Variants in JCAD observed in about 807,000 individuals in gnomAD.
The protein encoded by JCAD is junctional cadherin 5 associated.
In JCAD, 40 loss-of-function variants were observed where a neutral mutation model predicts 98.0. The ratio of observed to expected loss-of-function variants is 0.41; its 90% CI spans 0.32 to 0.53. The LOEUF (loss-of-function observed/expected upper bound fraction) is 0.53. Ranked by LOEUF, JCAD falls within the 20% of genes least tolerant of loss-of-function variation. The pLI, the probability that JCAD is intolerant of heterozygous loss-of-function variation, is 0.31. For missense variants in JCAD, 1,705 were observed against 1,738.1 expected, an observed-to-expected ratio of 0.98 and a Z score of 0.34; for synonymous variants, 691 against 682.3, an observed-to-expected ratio of 1.01 and a Z score of -0.20.
At chr10:30,044,382 G>T (rs1837295120) in intron 2 of JCAD, among the ~76,000 whole-genome samples, 2 of 152,190 alleles carry the variant, frequency 1.3e-5, no homozygotes, top group South Asian at 4.1e-4. Context: ...CATGAGTGGG[G>T]TGTTGAGGAC....
chr10:30,103,657 T>C (rs1187527533), intron 1 of JCAD, among the ~76,000 whole-genome samples: 1 of 151,942 alleles, frequency 6.6e-6, no homozygotes, highest in Non-Finnish European at 1.5e-5. Context: ...GCCAGTTCTT[T>C]TGATCCCAAA....
chr10:30,027,806 C>T lies in JCAD; in HGVS notation c.2342G>A (p.Arg781Gln), dbSNP rs202152563. 2.5e-5 allele frequency: 41 copies of T among 1,614,266 alleles called. No individual in the cohort carries two copies. The African/African-American group carries it at 4.9e-4, about 19-fold the overall frequency. ...GTGGACATCCACGCAGGGCTGACTT[C>T]GGCCTGCTTTTGGCGTCGGTGCCTG... The part of the protein sequence containing the change: ...VDQAPTPKAG[R>Q]SQPCVDVHGL... Residue 781 changes from arginine to glutamine, a missense_variant, in exon 3 of 4, where the codon CGA becomes CAA. This residue lies in a region of JCAD where 1,278 missense variants were observed against 1,243.1 expected (regional missense o/e 1.03). Coordinates refer to ENST00000375377, the MANE Select transcript of JCAD (RefSeq NM_020848.4).
Position 30,028,762 on chromosome 10 carries a change from C to T in JCAD, c.1386G>A (p.Glu462=), listed in dbSNP as rs1836907900. 5 of 1,614,112 alleles carry T rather than the reference C, an allele frequency of 3.1e-6. No individual in the cohort carries two copies. The highest frequency in any genetic ancestry group is 4.2e-6 in the Non-Finnish European group (5 of 1,180,048). Residue 462 remains glutamate (E), a synonymous_variant, in exon 3 of 4, where the codon GAG becomes GAA. Transcript: ENST00000375377. The stretch of plus-strand genomic sequence containing the variant: ...CAGGCTGCATTCCTCCATGAGCCGG[C>T]TCTTGAGCAGTGACAGGACTGGAGT... The part of the protein sequence containing the change: ...SYNSSPVTAQ[E]PAHGGMQPDG...
At chr10:30,079,985 A>G (rs771466920) in intron 1 of JCAD, among the ~76,000 whole-genome samples, 10 of 152,208 alleles carry the variant, frequency 6.6e-5, no homozygotes, top group Non-Finnish European at 1.3e-4. Context: ...GATAAAGAAT[A>G]TCTATATAAG....
rs1836448332 is a variant in JCAD at position 30,012,882 on chromosome 10, A to G, written c.*5001T>C. On this transcript the variant is annotated 3_prime_UTR_variant, in exon 4 of 4. Transcript: ENST00000375377. ...ATCCTGAAATAGCAAGGATATTTAC[A>G]CTGTGCAGAGAAATACAAGAGCTTC... The G allele has an allele frequency of 6.6e-6, 1 of 152,300 alleles. No homozygotes were observed. The highest frequency in any genetic ancestry group is 1.5e-5 in the Non-Finnish European group (1 of 68,088). 9.4% of individuals were successfully genotyped at this position (152,300 alleles called of 1,614,324 possible). A position where few individuals can be genotyped will look rare whatever the true frequency, so the allele number is the denominator to read the frequency against.
At chr10:30,085,323 C>T (rs1006741247) in intron 1 of JCAD, among the ~76,000 whole-genome samples, 3 of 151,986 alleles carry the variant, frequency 2.0e-5, no homozygotes, top group Non-Finnish European at 4.4e-5. Flanking sequence ...CTACATTTAT[C>T]TTTTATTCAT....
Position 30,027,793 on chromosome 10 carries a change from G to T in JCAD, c.2355C>A (p.Cys785Ter), listed in dbSNP as rs755985404. ...GGGCTCCAAGCCCGTGGACATCCAC[G>T]CAGGGCTGACTTCGGCCTGCTTTTG... Reference protein sequence around the residue: ...PTPKAGRSQPCVDVHGLGAHP... With the variant: ...PTPKAGRSQP The change falls in exon 3 of 4, where the codon TGC becomes TGA. Residue 785 changes from cysteine to a stop codon, truncating the protein, a stop_gained. Transcript: ENST00000375377. LOFTEE classifies it high-confidence loss of function. The T allele has an allele frequency of 6.2e-7, 1 of 1,614,244 alleles. No homozygotes were observed. The highest frequency in any genetic ancestry group is 8.5e-7 in the Non-Finnish European group (1 of 1,180,034).
chr10:30,079,650 T>C (rs753109015), intron 1 of JCAD, among the ~76,000 whole-genome samples: 118 of 152,150 alleles, frequency 7.8e-4, no homozygotes, highest in Non-Finnish European at 1.5e-3. Context: ...CTTGCTCACA[T>C]GACACACAAC....
intron 2 of JCAD, among the ~76,000 whole-genome samples, chr10:30,040,139 T>C (rs1261004202): frequency 6.6e-6 from 1 of 152,154 alleles, no homozygotes; most frequent in Non-Finnish European, 1.5e-5. Flanking sequence ...ATCGGCATTG[T>C]CTTTGTCTAA....
chr10:30,027,207 T>C lies in JCAD; in HGVS notation c.2941A>G (p.Arg981Gly). ...GGCAGTGGTTTTGCGTCACTTGATC[T>C]TGAAGACATTCTCGTCACAGGAAAT... ...SPFPVTRMSS[R>G]SSDAKPLPAS... Residue 981 changes from arginine (R) to glycine (G), a missense_variant, in exon 3 of 4, where the codon AGA becomes GGA. By Grantham distance (125) the Arg-to-Gly change is moderately radical. Around this residue, in one of 3 missense-constraint regions of JCAD, gnomAD observed 1,278 missense variants for 1,243.1 expected, o/e 1.03. Transcript: ENST00000375377. The C allele has an allele frequency of 6.2e-7, 1 of 1,614,220 alleles. No individual in the cohort carries two copies. The highest frequency in any genetic ancestry group is 8.5e-7 in the Non-Finnish European group (1 of 1,180,034).
rs200076780 is a variant in JCAD, at chr10:30,028,893, C to G, written c.1255G>C (p.Gly419Arg). ...AHPRPVTAYDGFVQYIPFDDP... is the reference protein window; with the variant it reads ...AHPRPVTAYDRFVQYIPFDDP... The stretch of plus-strand genomic sequence containing the variant: ...TCAAAGGGAATGTACTGAACGAAGC[C>G]GTCATAGGCAGTGACAGGTCGGGGA... Residue 419 changes from glycine (G) to arginine (R), a missense_variant, in exon 3 of 4, where the codon GGC becomes CGC. Coordinates refer to ENST00000375377, the MANE Select transcript of JCAD (RefSeq NM_020848.4). 1.2e-6 allele frequency: 2 copies of G among 1,614,150 alleles called. No individual in the cohort carries two copies. Among genetic ancestry groups the G allele is most frequent in the East Asian group, 4.5e-5 (2 of 44,862 alleles).
chr10:30,083,535 C>T (rs1386546270), intron 1 of JCAD, among the ~76,000 whole-genome samples: 1 of 152,148 alleles, frequency 6.6e-6, no homozygotes, highest in African/African-American at 2.4e-5. Flanking sequence ...CTGTTCTACT[C>T]AATAGAGACA....
intron 1 of JCAD, among the ~76,000 whole-genome samples, chr10:30,071,475 T>C (rs2132671709): frequency 1.3e-5 from 2 of 152,232 alleles, no homozygotes; most frequent in South Asian, 4.1e-4. Flanking sequence ...TGATGTACAA[T>C]GTTAAGGGCT....
rs753752951 is a variant in JCAD at position 30,027,891 on chromosome 10, G to A, written c.2257C>T (p.His753Tyr). Residue 753 changes from histidine (H) to tyrosine (Y), a missense_variant, in exon 3 of 4, where the codon CAC becomes TAC. This residue lies in a region of JCAD where 1,278 missense variants were observed against 1,243.1 expected (regional missense o/e 1.03). Transcript: ENST00000375377. ...QRPSARNLKG[H>Y]RSLSPSSNSA... ...TTGCTGGATGGGCTGAGGGACCTGTGACCTTTCAGGTTACGGGCACTTGGC... is the reference window on the plus strand; with the variant it reads ...TTGCTGGATGGGCTGAGGGACCTGTAACCTTTCAGGTTACGGGCACTTGGC... 4 of 1,614,220 alleles carry A rather than the reference G, an allele frequency of 2.5e-6. No individual in the cohort carries two copies. The South Asian group carries it at 4.4e-5, about 18-fold the overall frequency.
chr10:30,079,308 C>A (rs1838034301), intron 1 of JCAD, among the ~76,000 whole-genome samples: 2 of 139,506 alleles, frequency 1.4e-5, no homozygotes, highest in African/African-American at 2.7e-5. Flanking sequence ...GAATGTGCCA[C>A]TGCACTCTAG....
In JCAD at chr10:30,026,400, G is replaced by T. The variant is rs750626355; in HGVS notation, c.3748C>A (p.Pro1250Thr). ...IESLQEKLAS[P>T]PRRADPDRLM... ...CGGTCAGGGTCTGCTCTCCTAGGCG[G>T]GGAGGCCAGTTTCTCTTGTAAACTT... Residue 1250 changes from proline (P) to threonine (T), a missense_variant, in exon 3 of 4, where the codon CCG (proline) becomes ACG (threonine). Around this residue, in one of 3 missense-constraint regions of JCAD, gnomAD observed 1,278 missense variants for 1,243.1 expected, o/e 1.03. Coordinates refer to ENST00000375377, the MANE Select transcript of JCAD (RefSeq NM_020848.4). 3 of 1,614,248 alleles carry T rather than the reference G, an allele frequency of 1.9e-6. No homozygotes were observed. In the South Asian group the frequency reaches 3.3e-5, roughly 18 times the overall value.
At chr10:30,108,851 TAA>T (rs796575445) in intron 1 of JCAD, among the ~76,000 whole-genome samples, 40 of 140,302 alleles carry the variant, frequency 2.9e-4, no homozygotes, top group Admixed American at 2.1e-4. Context: ...TGCTCAAGAT[TAA>T]AAAAAAAAAA....
intron 3 of JCAD, among the ~76,000 whole-genome samples, chr10:30,024,688 ATTTTTTT>A (rs35394945): frequency 6.0e-5 from 6 of 100,694 alleles, no homozygotes; most frequent in East Asian, 2.8e-4. Flanking sequence ...GCCCATGTAC[ATTTTTTT>A]TTTTTTTTTT....
chr10:30,022,061 A>G (rs1836670615), intron 3 of JCAD, among the ~76,000 whole-genome samples: 1 of 152,208 alleles, frequency 6.6e-6, no homozygotes, highest in Non-Finnish European at 1.5e-5. Context: ...GTGTACGATC[A>G]ATGCCTGGGA....
Sources: gnomAD v4.1 joint callset for allele counts (sites outside exome capture counted in the v4.1 genomes callset) on GRCh38, gnomAD v4.1.1 for gene constraint, gnomAD v4.1.1 regional missense constraint, MANE v1.5 for transcripts, NCBI Gene and HGNC (gene_info 2026-07-23, HGNC 2026-07-21) for gene names.